Variants in CGA observed in about 807,000 individuals in gnomAD.
CGA encodes glycoprotein hormones, alpha polypeptide, also known as glycoprotein hormones alpha chain.
Under a neutral mutation model 12.0 loss-of-function variants are expected in CGA, and 4 were observed. The ratio of observed to expected loss-of-function variants is 0.33; its 90% CI spans 0.16 to 0.76. CGA has a LOEUF of 0.76. CGA is among the 30% of genes least tolerant of loss of function. The pLI is 0.60. For synonymous variants in CGA, 60 were observed against 56.6 expected (o/e 1.06, Z -0.27); for missense variants, 102 against 143.5 (o/e 0.71, Z 1.48).
chr6:87,085,999 A>G, intron 3 of CGA, 166 bp from the exon 4 acceptor site: 1 of 672,718 alleles, frequency 1.5e-6, no homozygotes, highest in Non-Finnish European at 2.6e-6. Context: ...AGCACAAGTA[A>G]GCTGTACTTT....
At chr6:87,091,647 A>G (rs1391827930) in intron 1 of CGA, among the ~76,000 whole-genome samples, 1 of 152,196 alleles carries the variant, frequency 6.6e-6, no homozygotes, top group Non-Finnish European at 1.5e-5. Flanking sequence ...CACCACATCA[A>G]GATAATATGT....
chr6:87,090,804 A>AT (rs71014987), intron 1 of CGA, among the ~76,000 whole-genome samples: 37,475 of 140,300 alleles, frequency 0.27, 4,930 homozygotes, highest in Middle Eastern at 0.31. Flanking sequence ...CGCTTGGCTA[A>AT]TTTTTTTTTT....
At chr6:87,093,820 T>A (rs570209328) in intron 1 of CGA, among the ~76,000 whole-genome samples, 1 of 152,286 alleles carries the variant, frequency 6.6e-6, no homozygotes, top group South Asian at 2.1e-4. Flanking sequence ...TCTCACACAC[T>A]ACCCTTTTCA....
Position 87,085,634 on chromosome 6 carries a change from G to A in CGA, c.*122C>T. The A allele has an allele frequency of 1.4e-6, 1 of 695,474 alleles. No homozygotes were observed. Among genetic ancestry groups the A allele is most frequent in the Non-Finnish European group, 2.6e-6 (1 of 383,484 alleles). 43.1% of individuals were successfully genotyped at this position (695,474 alleles called of 1,614,324 possible). On this transcript the variant is annotated 3_prime_UTR_variant, in exon 4 of 4. Coordinates refer to ENST00000627148, the MANE Select transcript of CGA (RefSeq NM_000735.4). ...AGTAAAGCTGCAGTATATCCTTGAA[G>A]CGTGTCAAAGTGGTATGGTAAGGAA...
intron 1 of CGA, 107 bp from the exon 2 acceptor site, chr6:87,088,314 T>C: frequency 1.7e-6 from 1 of 574,188 alleles, no homozygotes; most frequent in East Asian, 3.0e-5. Flanking sequence ...TTAATAATAG[T>C]CATCAGTGTC....
intron 1 of CGA, among the ~76,000 whole-genome samples, chr6:87,090,482 T>C (rs1284235044): frequency 6.6e-6 from 1 of 152,098 alleles, no homozygotes; most frequent in Non-Finnish European, 1.5e-5. Flanking sequence ...TTTTTGAAAA[T>C]TGTCATTTTT....
At chr6:87,093,307 T>C (rs1321695002) in intron 1 of CGA, among the ~76,000 whole-genome samples, 1 of 152,198 alleles carries the variant, frequency 6.6e-6, no homozygotes, top group East Asian at 1.9e-4. Context: ...GCTGTTTCAG[T>C]TATCTTGTCT....
At chr6:87,087,529 C>T (rs766275582) in intron 2 of CGA, among the ~76,000 whole-genome samples, 7 of 152,140 alleles carry the variant, frequency 4.6e-5, no homozygotes, top group Non-Finnish European at 8.8e-5. Flanking sequence ...ATTAAGAAAG[C>T]TTGGTGAGTG....
intron 3 of CGA, 77 bp from the exon 4 acceptor site, chr6:87,085,910 A>G (rs1210061053): frequency 2.9e-5 from 29 of 1,016,690 alleles, no homozygotes; most frequent in Non-Finnish European, 4.0e-5. Flanking sequence ...GAAGAATATT[A>G]CATAAAATTG....
intron 1 of CGA, 46 bp downstream of exon 1, chr6:87,094,967 T>C (rs932742): frequency 0.26 from 39,687 of 152,140 alleles, 5,875 homozygotes; most frequent in East Asian, 0.42. Flanking sequence ...TCTCAAATAT[T>C]TTACTCCTCA....
intron 2 of CGA, 111 bp from the exon 3 acceptor site, chr6:87,086,545 A>AAG (rs1433262214): frequency 1.0e-6 from 1 of 998,340 alleles, no homozygotes; most frequent in Non-Finnish European, 1.5e-6. Context: ...GGGAGGCCTT[A>AAG]GTGGGTGGAT....
At chr6:87,092,523 A>AAG (rs57158408) in intron 1 of CGA, among the ~76,000 whole-genome samples, 18 of 146,964 alleles carry the variant, frequency 1.2e-4, no homozygotes, top group East Asian at 1.0e-3. Flanking sequence ...GAAAACAAAA[A>AAG]AGAGAGAGAG....
rs2127754386 is a variant in CGA at position 87,088,145 on chromosome 6, A to G, written c.56T>C (p.Leu19Pro). The change falls in exon 2 of 4, where the codon CTG (leucine) becomes CCG (proline). Residue 19 changes from leucine to proline, a missense_variant. Transcript: ENST00000627148. ...ATCAGGAGCGGAATGGAGAACATGC[A>G]GAAACACCGACAATGTGACCAGAAA... ...AIFLVTLSVFLHVLHSAPDVQ... is the reference protein window; with the variant it reads ...AIFLVTLSVFPHVLHSAPDVQ... The G allele has an allele frequency of 6.2e-7, 1 of 1,600,036 alleles. No individual in the cohort carries two copies. Among genetic ancestry groups the G allele is most frequent in the Non-Finnish European group, 8.5e-7 (1 of 1,171,710 alleles).
intron 1 of CGA, among the ~76,000 whole-genome samples, chr6:87,092,357 T>G (rs1234127766): frequency 1.3e-5 from 2 of 152,092 alleles, no homozygotes; most frequent in Admixed American, 1.3e-4. Context: ...ACTGGGCAAG[T>G]AGTAGGTATA....
At chr6:87,085,892 AC>A in intron 3 of CGA, 59 bp from the exon 4 acceptor site, 1 of 1,149,360 alleles carries the variant, frequency 8.7e-7, no homozygotes, top group African/African-American at 1.5e-5. Context: ...ATAGATAGAG[AC>A]AAAATTGAAG....
At chr6:87,090,708 G>T (rs990528975) in intron 1 of CGA, among the ~76,000 whole-genome samples, 3 of 146,938 alleles carry the variant, frequency 2.0e-5, no homozygotes, top group African/African-American at 7.6e-5. Flanking sequence ...TGCAGTCTTG[G>T]CTCACTGCAA....
chr6:87,094,043 G>A (rs1236088448), intron 1 of CGA, among the ~76,000 whole-genome samples: 1 of 152,054 alleles, frequency 6.6e-6, no homozygotes, highest in East Asian at 1.9e-4. Flanking sequence ...TAATTGAATT[G>A]GTATTAAGTC....
intron 1 of CGA, 26 bp from the exon 2 acceptor site, chr6:87,088,233 A>G (rs1562094413): frequency 2.4e-6 from 3 of 1,226,050 alleles, no homozygotes; most frequent in Non-Finnish European, 2.2e-6. Flanking sequence ...GCAAAAAAAA[A>G]AAAACAAAAA....
rs765035006 is a variant in CGA at position 87,086,240 on chromosome 6, A to C, written c.273+10T>G. On this transcript the variant is annotated intron_variant, in intron 3 of 3. Coordinates refer to ENST00000627148, the MANE Select transcript of CGA (RefSeq NM_000735.4). ...TGTTAGAAAGCTTCTGGGGATCTTG[A>C]GGTTCTTACCCTGTTATATGATTTA... 3 of 1,600,932 alleles carry C rather than the reference A, an allele frequency of 1.9e-6. No individual in the cohort carries two copies. The highest frequency in any genetic ancestry group is 2.6e-6 in the Non-Finnish European group (3 of 1,174,700).
Sources: gnomAD v4.1 joint callset for allele counts (sites outside exome capture counted in the v4.1 genomes callset) on GRCh38, gnomAD v4.1.1 for gene constraint, MANE v1.5 for transcripts, NCBI Gene and HGNC (gene_info 2026-07-23, HGNC 2026-07-21) for gene names.